The following THSD4 variants were observed in gnomAD, a reference collection of about 807,000 sequenced individuals.
THSD4 encodes thrombospondin type-1 domain-containing protein 4.
THSD4 carries 69 observed loss-of-function variants against 119.0 expected under a neutral mutation model. That is an observed-to-expected ratio of 0.58 (90% CI 0.48 to 0.71). The LOEUF is 0.71. Among genes scored for constraint, THSD4 ranks in the 30% least tolerant of loss-of-function variants. The pLI, the probability that THSD4 is intolerant of heterozygous loss-of-function variation, is 0.00. For synonymous variants in THSD4, 524 were observed against 540.4 expected (o/e 0.97, Z 0.42); for missense variants, 1,393 against 1,391.1 (o/e 1.00, Z -0.02).
chr15:71,116,325 C>T (rs1027187164), intron 1 of THSD4, among the ~76,000 whole-genome samples: 1 of 152,264 alleles, frequency 6.6e-6, no homozygotes, highest in Non-Finnish European at 1.5e-5. Flanking sequence ...GGCGCACTTA[C>T]AGAAGTAGCT....
intron 5 of THSD4, among the ~76,000 whole-genome samples, chr15:71,244,080 T>C (rs1292701716): frequency 1.3e-5 from 2 of 149,898 alleles, no homozygotes; most frequent in African/African-American, 4.9e-5. Context: ...CCACCGCACC[T>C]GGCCTGTGCT....
At chr15:71,296,407 C>T (rs999069077) in intron 6 of THSD4, among the ~76,000 whole-genome samples, 4 of 152,148 alleles carry the variant, frequency 2.6e-5, no homozygotes, top group African/African-American at 9.7e-5. Flanking sequence ...ACATCTGGTT[C>T]GTGGATATGT....
At chr15:71,180,780 A>T (rs541408544) in intron 3 of THSD4, among the ~76,000 whole-genome samples, 1 of 152,294 alleles carries the variant, frequency 6.6e-6, no homozygotes, top group Non-Finnish European at 1.5e-5. Context: ...GAGGGTGGCT[A>T]TTCAATAGTG....
rs117343292 is a variant in THSD4 at position 71,227,203 on chromosome 15, G to A, written c.464+11804G>A. Among the ~76,000 whole-genome samples, 780 of 152,226 alleles carry A rather than the reference G, an allele frequency of 5.1e-3. 2 individuals are homozygous for A. The highest frequency in any genetic ancestry group is 8.5e-3 in the Non-Finnish European group (576 of 67,992). On this transcript the variant is annotated intron_variant, in intron 4 of 17. Coordinates refer to ENST00000261862, the MANE Select transcript of THSD4 (RefSeq NM_024817.3). ...CGAAGAGCCCTTGTTCATTTCTTGC[G>A]GTATTTCATTAAGTGTCAGAAGTAT... is the stretch of plus-strand genomic sequence containing the variant.
At chr15:71,150,419 T>C (rs2040709495) in intron 2 of THSD4, among the ~76,000 whole-genome samples, 1 of 152,212 alleles carries the variant, frequency 6.6e-6, no homozygotes, top group South Asian at 2.1e-4. Context: ...TTGGCAGAGT[T>C]TCCTCTGGCC....
chr15:71,562,315 A>G (rs890699170), intron 7 of THSD4, among the ~76,000 whole-genome samples: 7 of 152,204 alleles, frequency 4.6e-5, no homozygotes, highest in Admixed American at 3.9e-4. Flanking sequence ...TTCTGTCAGT[A>G]TGCTTGCGCT....
intron 1 of THSD4, among the ~76,000 whole-genome samples, chr15:71,123,074 T>C (rs1318781152): frequency 6.6e-6 from 1 of 152,240 alleles, no homozygotes; most frequent in Non-Finnish European, 1.5e-5. Flanking sequence ...TGGAGGAACT[T>C]GATACCTCAC....
intron 7 of THSD4, among the ~76,000 whole-genome samples, chr15:71,429,227 T>C (rs897498414): frequency 9.9e-5 from 15 of 152,220 alleles, no homozygotes; most frequent in African/African-American, 3.1e-4. Flanking sequence ...CAGATGTTTA[T>C]ATACCCTTCT....
intron 1 of THSD4, among the ~76,000 whole-genome samples, chr15:71,129,845 C>T (rs1245030702): frequency 3.3e-5 from 5 of 152,162 alleles, no homozygotes; most frequent in African/African-American, 4.8e-5. Flanking sequence ...AACGTCAATG[C>T]GCAAGCCTCA....
rs553699450 is a variant in THSD4 at position 71,420,273 on chromosome 15, G to A, written c.1152+8450G>A. ...TAGTTTTTGCGTTGAAATTTAGTTTGTCTAAGTATAGCTACTCCTGTTCAT... is the reference window on the plus strand; with the variant it reads ...TAGTTTTTGCGTTGAAATTTAGTTTATCTAAGTATAGCTACTCCTGTTCAT... On this transcript the variant is annotated intron_variant, in intron 7 of 17. Transcript: ENST00000261862. 1.9e-5 allele frequency among the ~76,000 whole-genome samples: 2 copies of A among 108,018 alleles called. 1 individual carries two copies. The highest frequency in any genetic ancestry group is 2.4e-4 in the Admixed American group (2 of 8,370). The allele number at this position is 108,018 out of a possible 152,430, so 70.9% of individuals were successfully genotyped here.
At chr15:71,718,042 G>A (rs1312687357) in intron 8 of THSD4, among the ~76,000 whole-genome samples, 6 of 151,988 alleles carry the variant, frequency 3.9e-5, no homozygotes, top group African/African-American at 1.2e-4. Context: ...TCAGCTACTC[G>A]GGAGGCTAAG....
chr15:71,530,291 A>C (rs1391159473), intron 7 of THSD4, among the ~76,000 whole-genome samples: 4 of 152,164 alleles, frequency 2.6e-5, no homozygotes, highest in African/African-American at 9.7e-5. Flanking sequence ...TGGTTCCAGC[A>C]AGTTGAGGTT....
chr15:71,395,989 A>T (rs2044027), intron 6 of THSD4, among the ~76,000 whole-genome samples: 57,310 of 149,182 alleles, frequency 0.38, 11,701 homozygotes, highest in South Asian at 0.51. Context: ...CCTGTTGTTC[A>T]GGCGTCGGGA....
At chr15:71,532,615 A>G (rs1296805558) in intron 7 of THSD4, among the ~76,000 whole-genome samples, 1 of 152,088 alleles carries the variant, frequency 6.6e-6, no homozygotes, top group African/African-American at 2.4e-5. Context: ...ACATCCAGCC[A>G]GGGTGGAATT....
At chr15:71,689,754 C>A (rs1023470334) in intron 8 of THSD4, among the ~76,000 whole-genome samples, 1 of 152,304 alleles carries the variant, frequency 6.6e-6, no homozygotes, top group Non-Finnish European at 1.5e-5. Flanking sequence ...AGAAGATGTA[C>A]ACATGAAAGT....
intron 6 of THSD4, among the ~76,000 whole-genome samples, chr15:71,384,176 G>A (rs969468647): frequency 4.6e-5 from 7 of 152,148 alleles, no homozygotes; most frequent in African/African-American, 7.2e-5. Context: ...TCAGGAGATC[G>A]AGACCATCCT....
chr15:71,598,537 C>A (rs1332169474), intron 7 of THSD4, among the ~76,000 whole-genome samples: 1 of 152,178 alleles, frequency 6.6e-6, no homozygotes, highest in Non-Finnish European at 1.5e-5. Context: ...CCATTCCCTG[C>A]TACACTCTCT....
At chr15:71,698,311 G>A (rs1399036130) in intron 8 of THSD4, among the ~76,000 whole-genome samples, 1 of 152,148 alleles carries the variant, frequency 6.6e-6, no homozygotes, top group East Asian at 1.9e-4. Flanking sequence ...CTATTAGAGT[G>A]GCCGTTATCA....
At chr15:71,249,417 T>C (rs112694056) in intron 5 of THSD4, among the ~76,000 whole-genome samples, 1 of 151,348 alleles carries the variant, frequency 6.6e-6, no homozygotes, top group Non-Finnish European at 1.5e-5. Flanking sequence ...ACTTCATATA[T>C]ATATATATAT....
Sources: gnomAD v4.1 joint callset for allele counts (sites outside exome capture counted in the v4.1 genomes callset) on GRCh38, gnomAD v4.1.1 for gene constraint, MANE v1.5 for transcripts, NCBI Gene and HGNC (gene_info 2026-07-23, HGNC 2026-07-21) for gene names.